The following THRB variants were observed in gnomAD, a reference collection of about 807,000 sequenced individuals.
THRB encodes the protein nuclear receptor subfamily 1 group A member 2.
A neutral mutation model predicts 47.8 loss-of-function variants in THRB; 12 were observed. That is an observed-to-expected ratio of 0.25 (90% CI 0.16 to 0.41). The LOEUF is 0.41. Ranked by LOEUF, THRB falls within the 10% of genes least tolerant of loss-of-function variation. The pLI, the probability that THRB is intolerant of heterozygous loss-of-function variation, is 1.00. For missense variants in THRB, 348 were observed against 589.2 expected (o/e 0.59, Z 4.24); for synonymous variants, 218 against 212.2 (o/e 1.03, Z -0.24).
chr3:24,189,924 G>A (rs1414039348), intron 5 of THRB, 150 bp downstream of exon 5: 5 of 730,016 alleles, frequency 6.8e-6, no homozygotes, highest in Non-Finnish European at 1.2e-5. Flanking sequence ...AAGAATATTT[G>A]AAGAAAAGGA....
At chr3:24,446,704 C>T (rs905294552) in intron 1 of THRB, among the ~76,000 whole-genome samples, 2 of 152,078 alleles carry the variant, frequency 1.3e-5, no homozygotes, top group African/African-American at 2.4e-5. Flanking sequence ...GATCACTCAA[C>T]AATATTCAGC....
intron 2 of THRB, among the ~76,000 whole-genome samples, chr3:24,323,148 A>G (rs2058592535): frequency 6.6e-6 from 1 of 151,740 alleles, no homozygotes; most frequent in East Asian, 1.9e-4. Context: ...TAATGTTACC[A>G]TCATGTTTTC....
intron 3 of THRB, among the ~76,000 whole-genome samples, chr3:24,247,633 C>T (rs1340580931): frequency 1.3e-5 from 2 of 152,124 alleles, no homozygotes; most frequent in South Asian, 2.1e-4. Flanking sequence ...TCATTTGATG[C>T]TTACAACCTC....
chr3:24,173,049 G>A (rs944352033), intron 5 of THRB, among the ~76,000 whole-genome samples: 1 of 152,104 alleles, frequency 6.6e-6, no homozygotes, highest in African/African-American at 2.4e-5. Flanking sequence ...TTCTCAAATG[G>A]TGGTTTCTGA....
intron 9 of THRB, among the ~76,000 whole-genome samples, chr3:24,130,887 C>T (rs143994285): frequency 6.6e-6 from 1 of 152,238 alleles, no homozygotes; most frequent in East Asian, 1.9e-4. Flanking sequence ...CCAGTAAAAA[C>T]AGATAACAGA....
intron 1 of THRB, among the ~76,000 whole-genome samples, chr3:24,357,146 G>T (rs1332795725): frequency 6.6e-6 from 1 of 150,416 alleles, no homozygotes; most frequent in Non-Finnish European, 1.5e-5. Context: ...ACTCAGTTTT[G>T]TTGGTTTTAT....
At chr3:24,412,210 TC>T (rs2068364397) in intron 1 of THRB, among the ~76,000 whole-genome samples, 1 of 151,860 alleles carries the variant, frequency 6.6e-6, no homozygotes, top group Admixed American at 6.6e-5. Context: ...TAAACAAAAG[TC>T]TTATCTGATT....
chr3:24,135,820 CAT>C (rs34338818), intron 8 of THRB, among the ~76,000 whole-genome samples: 26,948 of 98,326 alleles, frequency 0.27, 3,113 homozygotes, highest in Middle Eastern at 0.34. Flanking sequence ...GGCAGAGAGT[CAT>C]ATATATATAT....
chr3:24,318,069 A>T (rs2058244316), intron 2 of THRB, among the ~76,000 whole-genome samples: 1 of 152,160 alleles, frequency 6.6e-6, no homozygotes, highest in Non-Finnish European at 1.5e-5. Flanking sequence ...AAAGAAAGGA[A>T]GGAAGGAAGG....
Position 24,375,665 on chromosome 3 carries a change from T to C in THRB, c.-260-38294A>G, listed in dbSNP as rs1486721378. Among the ~76,000 whole-genome samples, 14 of 151,790 alleles carry C rather than the reference T, an allele frequency of 9.2e-5. No homozygotes were observed. In the East Asian group the frequency reaches 1.4e-3, roughly 15 times the overall value. Reference sequence around the variant, plus strand: ...TTAGACCCCCCCAGACTACTACTGATAGAAAATAACAAGAGTGGAATATAT... The same window carrying C: ...TTAGACCCCCCCAGACTACTACTGACAGAAAATAACAAGAGTGGAATATAT... On this transcript the variant is annotated intron_variant, in intron 1 of 10. Transcript: ENST00000646209.
intron 3 of THRB, among the ~76,000 whole-genome samples, chr3:24,285,006 T>C (rs1373130422): frequency 1.3e-5 from 2 of 152,084 alleles, no homozygotes; most frequent in South Asian, 2.1e-4. Context: ...AGTTCAACCA[T>C]TGTGGAAGTC....
intron 4 of THRB, among the ~76,000 whole-genome samples, chr3:24,217,352 T>C (rs991025966): frequency 1.3e-5 from 2 of 152,086 alleles, no homozygotes; most frequent in Non-Finnish European, 2.9e-5. Context: ...ATAGAAATTT[T>C]TCTATACATC....
At chr3:24,228,116 T>G (rs2150078700) in intron 4 of THRB, among the ~76,000 whole-genome samples, 1 of 152,302 alleles carries the variant, frequency 6.6e-6, no homozygotes. Flanking sequence ...GGGAGATGGC[T>G]TCCTTTTAGA....
At chr3:24,495,408 G>GCCGACC (rs566586475), upstream of THRB, 696 of 153,438 alleles carry the variant, frequency 4.5e-3, 8 homozygotes, top group South Asian at 0.041. Context: ...CGCCCGGCTT[G>GCCGACC]CCGACCCCGA....
chr3:24,143,464 C>T (rs368521393), intron 8 of THRB, 37 bp downstream of exon 8: 38 of 1,592,498 alleles, frequency 2.4e-5, no homozygotes, highest in Non-Finnish European at 3.0e-5. Flanking sequence ...AAAACACTGG[C>T]ATATAAGTGA....
chr3:24,345,660 T>G (rs946438428), intron 1 of THRB, among the ~76,000 whole-genome samples: 5 of 152,074 alleles, frequency 3.3e-5, no homozygotes, highest in African/African-American at 1.2e-4. Flanking sequence ...CTGTAAGTGT[T>G]GTTTTTATTA....
chr3:24,370,585 C>T (rs1271645218), intron 1 of THRB, among the ~76,000 whole-genome samples: 1 of 152,104 alleles, frequency 6.6e-6, no homozygotes, highest in South Asian at 2.1e-4. Context: ...AGGATCAATG[C>T]TCCACTATTT....
chr3:24,287,659 T>C (rs929850093), intron 3 of THRB, among the ~76,000 whole-genome samples: 1 of 152,180 alleles, frequency 6.6e-6, no homozygotes, highest in Non-Finnish European at 1.5e-5. Flanking sequence ...TAGAGAATGT[T>C]TGAGAATCTT....
At chr3:24,222,620 T>A (rs1248527373) in intron 4 of THRB, among the ~76,000 whole-genome samples, 1 of 152,184 alleles carries the variant, frequency 6.6e-6, no homozygotes, top group African/African-American at 2.4e-5. Context: ...GTGTGATGTG[T>A]GTAATAGCCT....
Sources: allele counts gnomAD v4.1 joint callset (sites outside exome capture counted in the v4.1 genomes callset), GRCh38; gene constraint gnomAD v4.1.1; transcripts MANE v1.5; gene names NCBI Gene and HGNC (gene_info 2026-07-23, HGNC 2026-07-21).